Variants in BICC1 observed in about 807,000 individuals in gnomAD.
The protein encoded by BICC1 is protein bicaudal C homolog 1.
BICC1 carries 43 observed loss-of-function variants against 111.0 expected under a neutral mutation model. The ratio of observed to expected loss-of-function variants is 0.39; its 90% CI spans 0.30 to 0.50. The LOEUF (loss-of-function observed/expected upper bound fraction) is 0.50. BICC1 is among the 20% of genes least tolerant of loss of function. The probability of loss-of-function intolerance (pLI) is 0.88; values close to 1 mark genes in which losing one functional copy is unlikely to be tolerated. For synonymous variants in BICC1, 467 were observed against 434.4 expected (o/e 1.07, Z -0.93); for missense variants, 1,091 against 1,203.2 (o/e 0.91, Z 1.38).
chr10:58,682,191 A>G lies in BICC1; in HGVS notation c.238-19883A>G, dbSNP rs1564550392. Among the ~76,000 whole-genome samples the G allele has an allele frequency of 5.3e-5, 8 of 152,134 alleles. 2 individuals carry two copies. The South Asian group carries it at 1.4e-3, about 28-fold the overall frequency. ...CTTCATCCATGTCCCTACAAAGGAC[A>G]TGAACTCATTCTTTTCTATGGCTGC... On this transcript the variant is annotated intron_variant, in intron 2 of 20. Transcript: ENST00000373886.
intron 9 of BICC1, among the ~76,000 whole-genome samples, chr10:58,795,808 C>G (rs1251648336): frequency 3.3e-5 from 5 of 152,008 alleles, no homozygotes; most frequent in African/African-American, 9.7e-5. Flanking sequence ...ATAGTCATAC[C>G]TCAAGGTCTA....
intron 2 of BICC1, among the ~76,000 whole-genome samples, chr10:58,622,747 C>T (rs1331678069): frequency 6.6e-6 from 1 of 152,196 alleles, no homozygotes; most frequent in Non-Finnish European, 1.5e-5. Context: ...CAGAAGTAGA[C>T]ATTATGGTTC....
intron 3 of BICC1, among the ~76,000 whole-genome samples, chr10:58,707,122 C>T (rs79920060): frequency 0.011 from 1,692 of 152,276 alleles, 33 homozygotes; most frequent in African/African-American, 0.039. Context: ...CCATTCTCTT[C>T]CTCCCAGAAT....
chr10:58,572,996 A>G (rs1027538428), intron 1 of BICC1, among the ~76,000 whole-genome samples: 1 of 152,138 alleles, frequency 6.6e-6, no homozygotes, highest in African/African-American at 2.4e-5. Flanking sequence ...TAAGAAAGCC[A>G]AAGTAGATAA....
At chr10:58,527,083 GC>G (rs1466367905) in intron 1 of BICC1, among the ~76,000 whole-genome samples, 3 of 152,176 alleles carry the variant, frequency 2.0e-5, no homozygotes, top group African/African-American at 7.2e-5. Context: ...ATCCTCCCCA[GC>G]ACCTGTTGTT....
intron 2 of BICC1, among the ~76,000 whole-genome samples, chr10:58,699,531 A>G (rs917520791): frequency 6.6e-6 from 1 of 152,256 alleles, no homozygotes; most frequent in Non-Finnish European, 1.5e-5. Flanking sequence ...CACATATGTC[A>G]AAAGGCAAAC....
At chr10:58,561,515 ATATCTT>A (rs1843603852) in intron 1 of BICC1, among the ~76,000 whole-genome samples, 1 of 151,934 alleles carries the variant, frequency 6.6e-6, no homozygotes, top group African/African-American at 2.4e-5. Context: ...CAGCAACTCT[ATATCTT>A]TTATTGGAGA....
chr10:58,771,702 G>A (rs1354914320), intron 3 of BICC1, among the ~76,000 whole-genome samples: 1 of 152,054 alleles, frequency 6.6e-6, no homozygotes, highest in Non-Finnish European at 1.5e-5. Flanking sequence ...TGAGTATTTT[G>A]GTTTGGTTGT....
intron 1 of BICC1, among the ~76,000 whole-genome samples, chr10:58,547,361 C>G (rs1160285413): frequency 6.6e-6 from 1 of 152,096 alleles, no homozygotes; most frequent in Non-Finnish European, 1.5e-5. Flanking sequence ...TGGGATCTGT[C>G]TGATGTTTTT....
chr10:58,544,358 C>T (rs952853133), intron 1 of BICC1, among the ~76,000 whole-genome samples: 1 of 152,126 alleles, frequency 6.6e-6, no homozygotes, highest in Non-Finnish European at 1.5e-5. Context: ...ATATCACATT[C>T]TCAAGTTTAC....
chr10:58,640,024 G>A (rs1838077335), intron 2 of BICC1, among the ~76,000 whole-genome samples: 1 of 152,106 alleles, frequency 6.6e-6, no homozygotes, highest in South Asian at 2.1e-4. Context: ...TTTTCCCTGA[G>A]CCTCATCCCT....
intron 1 of BICC1, among the ~76,000 whole-genome samples, chr10:58,579,746 C>T (rs1404109226): frequency 1.3e-5 from 2 of 152,202 alleles, no homozygotes; most frequent in African/African-American, 4.8e-5. Flanking sequence ...CTGAGTTAAT[C>T]TGCTCTCAGA....
At chr10:58,632,690 G>A (rs1239192232) in intron 2 of BICC1, among the ~76,000 whole-genome samples, 1 of 152,166 alleles carries the variant, frequency 6.6e-6, no homozygotes, top group Non-Finnish European at 1.5e-5. Context: ...ATGCCTTCCA[G>A]ACCTGTGACT....
At chr10:58,828,718 A>T in intron 20 of BICC1, 43 bp from the exon 21 acceptor site, 1 of 1,600,632 alleles carries the variant, frequency 6.2e-7, no homozygotes, top group South Asian at 1.1e-5. Flanking sequence ...GTATACATAG[A>T]ACTTCTCTTG....
chr10:58,809,057 C>T (rs1340791813), intron 17 of BICC1, among the ~76,000 whole-genome samples: 1 of 151,930 alleles, frequency 6.6e-6, no homozygotes, highest in East Asian at 2.0e-4. Context: ...GAGTCTCACT[C>T]TGTCACACAG....
chr10:58,692,837 T>G, intron 2 of BICC1, among the ~76,000 whole-genome samples: 1 of 81,346 alleles, frequency 1.2e-5, no homozygotes, highest in East Asian at 2.5e-4. Context: ...TATCTCCATC[T>G]TTTTTTTTTT....
In BICC1 at chr10:58,831,400, A is replaced by G. The variant is rs1844546499; in HGVS notation, c.*2509A>G. 1.3e-5 allele frequency: 2 copies of G among 152,270 alleles called. No homozygotes were observed. Among genetic ancestry groups the G allele is most frequent in the East Asian group, 1.9e-4 (1 of 5,184 alleles). 9.4% of individuals were successfully genotyped at this position (152,270 alleles called of 1,614,324 possible). ...AACTGAATCAATTGTTACATGAAAA[A>G]TAAATTTATATAACCCCTTTGTATT... On this transcript the variant is annotated 3_prime_UTR_variant, in exon 21 of 21. Transcript: ENST00000373886.
chr10:58,681,963 C>A (rs1345329618), intron 2 of BICC1, among the ~76,000 whole-genome samples: 1 of 151,820 alleles, frequency 6.6e-6, no homozygotes, highest in African/African-American at 2.4e-5. Context: ...GTGTGCTGCA[C>A]CCGTTAACTC....
intron 1 of BICC1, among the ~76,000 whole-genome samples, chr10:58,571,391 G>A (rs1843946393): frequency 6.6e-6 from 1 of 152,116 alleles, no homozygotes; most frequent in South Asian, 2.1e-4. Flanking sequence ...TGTTACATAG[G>A]TAAACATGTG....
Sources: gnomAD v4.1 joint callset for allele counts (sites outside exome capture counted in the v4.1 genomes callset) on GRCh38, gnomAD v4.1.1 for gene constraint, MANE v1.5 for transcripts, NCBI Gene and HGNC (gene_info 2026-07-23, HGNC 2026-07-21) for gene names.